Variants in SPATA13 observed in about 807,000 individuals in gnomAD.
SPATA13 encodes the protein spermatogenesis associated 13.
SPATA13 carries 50 observed loss-of-function variants against 104.0 expected under a neutral mutation model. That is an observed-to-expected ratio of 0.48 (90% CI 0.38 to 0.61). SPATA13 has a LOEUF of 0.61. Among genes scored for constraint, SPATA13 ranks in the 20% least tolerant of loss-of-function variants. SPATA13 has a pLI of 0.00. For synonymous variants in SPATA13, 606 were observed against 667.5 expected (o/e 0.91, Z 1.42); for missense variants, 1,524 against 1,690.6 (o/e 0.90, Z 1.73).
chr13:24,013,246 A>G (rs534702717), intron 2 of SPATA13, among the ~76,000 whole-genome samples: 2 of 152,196 alleles, frequency 1.3e-5, no homozygotes, highest in East Asian at 3.9e-4. Context: ...TCCTCAGCTC[A>G]GCTCCCGCTC....
intron 3 of SPATA13, among the ~76,000 whole-genome samples, chr13:24,059,332 C>CA (rs142424373): frequency 0.013 from 1,863 of 143,832 alleles, 92 homozygotes; most frequent in East Asian, 0.12. Flanking sequence ...GTGAATGTCA[C>CA]AAAAAAAAAA....
Position 24,198,184 on chromosome 13 carries a change from G to A in SPATA13, c.-111-24635G>A, listed in dbSNP as rs145031463. Among the ~76,000 whole-genome samples the A allele has an allele frequency of 3.9e-3, 589 of 152,148 alleles. 1 individual carries two copies. The highest frequency in any genetic ancestry group is 6.8e-3 in the Non-Finnish European group (460 of 67,984). ...TAATTTCTATATTTTTAGTAGAGAC[G>A]GGGTTTCACTGTGTTGGCCAGGCTG... On this transcript the variant is annotated intron_variant, in intron 1 of 12. Coordinates refer to ENST00000382108, the MANE Select transcript of SPATA13 (RefSeq NM_001166271.3).
intron 4 of SPATA13, chr13:24,278,709 T>C: frequency 6.4e-7 from 1 of 1,563,524 alleles, no homozygotes; most frequent in South Asian, 1.2e-5. Context: ...AGATGGGTTT[T>C]ATCATCCACA....
At chr13:24,068,701 T>C (rs1879054642) in intron 3 of SPATA13, among the ~76,000 whole-genome samples, 1 of 152,218 alleles carries the variant, frequency 6.6e-6, no homozygotes, top group Non-Finnish European at 1.5e-5. Context: ...GCCTTAGTAA[T>C]AGCCATTCTG....
chr13:23,985,434 C>T (rs185134884), intron 2 of SPATA13, among the ~76,000 whole-genome samples: 1 of 152,226 alleles, frequency 6.6e-6, no homozygotes, highest in Non-Finnish European at 1.5e-5. Flanking sequence ...TGGCTTCTTT[C>T]CTCTTACCTG....
At chr13:24,259,488 A>G (rs895137635) in intron 4 of SPATA13, among the ~76,000 whole-genome samples, 6 of 152,254 alleles carry the variant, frequency 3.9e-5, no homozygotes, top group African/African-American at 1.4e-4. Flanking sequence ...TCAAAGTACA[A>G]TTGGGGATTA....
At chr13:24,056,306 A>T (rs536236460) in intron 3 of SPATA13, among the ~76,000 whole-genome samples, 1 of 152,344 alleles carries the variant, frequency 6.6e-6, no homozygotes, top group African/African-American at 2.4e-5. Context: ...ACCCATTTAG[A>T]GATGCTTTGG....
intron 2 of SPATA13, among the ~76,000 whole-genome samples, chr13:23,994,214 C>T (rs985528484): frequency 6.6e-6 from 1 of 152,128 alleles, no homozygotes; most frequent in African/African-American, 2.4e-5. Context: ...TAGACTGCTC[C>T]ATAAAAGTAC....
At chr13:24,070,352 C>G (rs975699183) in intron 3 of SPATA13, among the ~76,000 whole-genome samples, 1 of 152,148 alleles carries the variant, frequency 6.6e-6, no homozygotes, top group Non-Finnish European at 1.5e-5. Context: ...CTGCCGCCCC[C>G]CTACCATATG....
intron 10 of SPATA13, among the ~76,000 whole-genome samples, chr13:24,295,118 TCTC>T (rs1314076447): frequency 1.3e-5 from 2 of 152,160 alleles, no homozygotes; most frequent in African/African-American, 4.8e-5. Context: ...AGCCTCTCTC[TCTC>T]CTCGTAGAGG....
chr13:24,029,163 A>G (rs1011165437), intron 3 of SPATA13, among the ~76,000 whole-genome samples: 1 of 152,150 alleles, frequency 6.6e-6, no homozygotes, highest in African/African-American at 2.4e-5. Context: ...GGCTCAAGTG[A>G]TCCTGTCACC....
chr13:24,278,962 TTCCC>T (rs1480731102), intron 4 of SPATA13: 11 of 469,886 alleles, frequency 2.3e-5, no homozygotes, highest in Non-Finnish European at 3.8e-5. Flanking sequence ...CCTTCCTTCC[TTCCC>T]TCCTTCCCTC....
intron 2 of SPATA13, among the ~76,000 whole-genome samples, chr13:24,238,258 G>A (rs1006422341): frequency 6.7e-6 from 1 of 148,588 alleles, no homozygotes; most frequent in Non-Finnish European, 1.5e-5. Flanking sequence ...CCGGGTTCAA[G>A]CGATTCTTGT....
chr13:24,244,799 G>A (rs1873027661), intron 2 of SPATA13, among the ~76,000 whole-genome samples: 2 of 152,186 alleles, frequency 1.3e-5, no homozygotes, highest in South Asian at 4.1e-4. Flanking sequence ...GGAGGTGGAG[G>A]CTGCAGTGAG....
chr13:24,235,836 A>T (rs1213289540), intron 2 of SPATA13, among the ~76,000 whole-genome samples: 1 of 152,244 alleles, frequency 6.6e-6, no homozygotes, highest in Non-Finnish European at 1.5e-5. Context: ...TGAGAACTAG[A>T]ATTTTTACCA....
intron 3 of SPATA13, among the ~76,000 whole-genome samples, chr13:24,131,714 G>A (rs1332108649): frequency 6.6e-6 from 1 of 152,214 alleles, no homozygotes; most frequent in African/African-American, 2.4e-5. Context: ...TGAGGAAATA[G>A]GAGTTTTGCT....
intron 4 of SPATA13, among the ~76,000 whole-genome samples, chr13:24,279,234 G>C (rs1875299426): frequency 6.6e-6 from 1 of 152,172 alleles, no homozygotes; most frequent in African/African-American, 2.4e-5. Context: ...TGTGTACCTG[G>C]GGAGGGCTGT....
intron 3 of SPATA13, 109 bp downstream of exon 3, chr13:24,249,951 G>GC: frequency 7.0e-7 from 1 of 1,425,900 alleles, no homozygotes; most frequent in Admixed American, 2.5e-5. Flanking sequence ...GTTCTCAAGG[G>GC]CGGCACCATG....
intron 1 of SPATA13, among the ~76,000 whole-genome samples, chr13:24,194,613 C>T (rs531133693): frequency 2.0e-5 from 3 of 152,240 alleles, no homozygotes; most frequent in Admixed American, 1.3e-4. Flanking sequence ...ATAATGAGCC[C>T]GGTAGGTCCT....
Sources: gnomAD v4.1 joint callset for allele counts (sites outside exome capture counted in the v4.1 genomes callset) on GRCh38, gnomAD v4.1.1 for gene constraint, MANE v1.5 for transcripts, NCBI Gene and HGNC (gene_info 2026-07-23, HGNC 2026-07-21) for gene names.